L3MBTL3: variants seen among roughly 807,000 people sequenced by gnomAD.
L3MBTL3 encodes the protein L3MBTL histone methyl-lysine binding protein 3.
A neutral mutation model predicts 102.3 loss-of-function variants in L3MBTL3; 27 were observed. The observed-to-expected ratio is 0.26, with a 90% confidence interval of 0.19 to 0.36. The LOEUF is 0.36. L3MBTL3 is among the 10% of genes least tolerant of loss of function. The pLI is 1.00. For missense variants in L3MBTL3, 798 were observed against 955.3 expected, an observed-to-expected ratio of 0.84 and a Z score of 2.17; for synonymous variants, 340 against 320.9, an observed-to-expected ratio of 1.06 and a Z score of -0.64.
intron 19 of L3MBTL3, among the ~76,000 whole-genome samples, chr6:130,116,949 TTTTA>T (rs1290346911): frequency 3.4e-5 from 5 of 145,964 alleles, no homozygotes; most frequent in African/African-American, 1.3e-4. Context: ...TCCTCTTATT[TTTTA>T]TTTATTTATT....
chr6:130,097,046 G>C (rs1440292787), intron 18 of L3MBTL3, among the ~76,000 whole-genome samples: 1 of 152,184 alleles, frequency 6.6e-6, no homozygotes, highest in Non-Finnish European at 1.5e-5. Flanking sequence ...GGAGGTCCCA[G>C]TTTCTGCCCA....
At chr6:130,100,646 C>CA (rs68109213) in intron 18 of L3MBTL3, among the ~76,000 whole-genome samples, 9,595 of 126,176 alleles carry the variant, frequency 0.076, 424 homozygotes, top group Non-Finnish European at 0.11. Context: ...AATCTATTTT[C>CA]AAAAAAAAAA....
At chr6:130,134,032 A>T in intron 22 of L3MBTL3, 127 bp downstream of exon 22, 4 of 702,660 alleles carry the variant, frequency 5.7e-6, no homozygotes, top group South Asian at 3.2e-5. Flanking sequence ...TGACAAATTG[A>T]TGTATACTAA....
At chr6:130,032,342 T>C (rs1488932007) in intron 2 of L3MBTL3, among the ~76,000 whole-genome samples, 1 of 152,168 alleles carries the variant, frequency 6.6e-6, no homozygotes, top group Non-Finnish European at 1.5e-5. Context: ...CCAGCTGCTC[T>C]AGAGGCTGAG....
intron 2 of L3MBTL3, among the ~76,000 whole-genome samples, chr6:130,025,480 A>G (rs1411401648): frequency 6.6e-6 from 1 of 152,160 alleles, no homozygotes; most frequent in Admixed American, 6.5e-5. Context: ...GGTATCCTTG[A>G]TATATAACTA....
intron 13 of L3MBTL3, among the ~76,000 whole-genome samples, chr6:130,078,273 T>C (rs561996522): frequency 5.9e-5 from 9 of 152,312 alleles, no homozygotes; most frequent in East Asian, 1.9e-4. Context: ...TTTAATGATA[T>C]TATGTTTGCA....
chr6:130,131,580 A>G (rs1787045605), intron 20 of L3MBTL3, among the ~76,000 whole-genome samples: 1 of 152,202 alleles, frequency 6.6e-6, no homozygotes, highest in African/African-American at 2.4e-5. Context: ...CGCGCAAGAA[A>G]GAATTTGGGG....
intron 18 of L3MBTL3, among the ~76,000 whole-genome samples, chr6:130,101,702 T>C (rs1454393297): frequency 6.6e-6 from 1 of 152,168 alleles, no homozygotes; most frequent in African/African-American, 2.4e-5. Flanking sequence ...GGGAGTGTGT[T>C]GCTTGTACCC....
At chr6:130,061,575 AT>A (rs1781904858) in intron 10 of L3MBTL3, among the ~76,000 whole-genome samples, 1 of 152,160 alleles carries the variant, frequency 6.6e-6, no homozygotes, top group South Asian at 2.1e-4. Context: ...ATTTGTGTAG[AT>A]TTTATTTACA....
rs1374240892 is a variant in L3MBTL3 at position 130,060,027 on chromosome 6, G to T, written c.760-9G>T. ...AAGGGACTAAAACTGCTCTCATTTT[G>T]CATTTTAGCATCAATCCTTTCCATA... On this transcript the variant is annotated splice_polypyrimidine_tract_variant and intron_variant, in intron 9 of 22. Transcript: ENST00000361794. 8 of 1,554,282 alleles carry T rather than the reference G, an allele frequency of 5.1e-6. No homozygotes were observed. The highest frequency in any genetic ancestry group is 2.2e-5 in the South Asian group (2 of 89,570).
chr6:130,102,237 G>A (rs879827302), intron 18 of L3MBTL3, among the ~76,000 whole-genome samples: 1 of 152,044 alleles, frequency 6.6e-6, no homozygotes, highest in Non-Finnish European at 1.5e-5. Context: ...AGGATACTGT[G>A]ACTCTCTTCT....
At chr6:130,043,269 A>G (rs891449535) in intron 3 of L3MBTL3, among the ~76,000 whole-genome samples, 1 of 152,204 alleles carries the variant, frequency 6.6e-6, no homozygotes, top group Non-Finnish European at 1.5e-5. Flanking sequence ...CCTCTCTTAA[A>G]TTAATTATAC....
chr6:130,071,220 A>C, intron 13 of L3MBTL3, 93 bp downstream of exon 13: 1 of 1,151,884 alleles, frequency 8.7e-7, no homozygotes. Flanking sequence ...TATAACAAAA[A>C]AAAGCAGTGT....
chr6:130,092,390 C>T lies in L3MBTL3; in HGVS notation c.1519-355C>T, dbSNP rs576375162. Among the ~76,000 whole-genome samples the T allele has an allele frequency of 4.0e-5, 6 of 148,936 alleles. No homozygotes were observed. In the East Asian group the frequency reaches 1.3e-3, roughly 31 times the overall value. ...CTCCCTCCCTTCCCTGAATTTTTAA[C>T]TCCTTCTGCATATTTATTGGGTGCT... On this transcript the variant is annotated intron_variant, in intron 16 of 22. Coordinates refer to ENST00000361794, the MANE Select transcript of L3MBTL3 (RefSeq NM_032438.4).
Position 130,139,735 on chromosome 6 carries a change from T to C in L3MBTL3, c.2325T>C (p.Asn775=), listed in dbSNP as rs1301922958. 3 of 1,613,258 alleles carry C rather than the reference T, an allele frequency of 1.9e-6. No homozygotes were observed. Among genetic ancestry groups the C allele is most frequent in the Admixed American group, 3.3e-5 (2 of 60,006 alleles). ...TGATGTTCAAAGCTGCAGAGAAGAA[T>C]TCTCACAATGAACTTTGAAGATGGT... ...SILMFKAAEK[N]SHNEL is the part of the protein sequence containing the mutation. The change falls in exon 23 of 23, where the codon AAT becomes AAC. Residue 775 remains asparagine (N), a synonymous_variant. Coordinates refer to ENST00000361794, the MANE Select transcript of L3MBTL3 (RefSeq NM_032438.4).
chr6:130,111,068 CAA>C (rs965807317), intron 19 of L3MBTL3, among the ~76,000 whole-genome samples: 4 of 151,992 alleles, frequency 2.6e-5, no homozygotes, highest in South Asian at 2.1e-4. Flanking sequence ...CTTTGCCACA[CAA>C]GAGACAATTT....
chr6:130,048,618 A>G (rs552980177), intron 3 of L3MBTL3, among the ~76,000 whole-genome samples: 1 of 152,338 alleles, frequency 6.6e-6, no homozygotes, highest in South Asian at 2.1e-4. Flanking sequence ...CTAGTAGACT[A>G]CTTGTTCAGG....
At position 130,064,808 on chromosome 6, in the gene L3MBTL3, G is replaced by A. The variant is rs990259530; in HGVS notation, c.865-1545G>A. Among the ~76,000 whole-genome samples the A allele has an allele frequency of 9.9e-5, 15 of 152,180 alleles. No individual in the cohort carries two copies. In the East Asian group the frequency reaches 1.2e-3, roughly 12 times the overall value. On this transcript the variant is annotated intron_variant, in intron 10 of 22. Coordinates refer to ENST00000361794, the MANE Select transcript of L3MBTL3 (RefSeq NM_032438.4). ...ATTGTTTCTCAAAGCATAGCTTTCC[G>A]GTGAGCCTGAGATAGAGACTATGGG...
At position 130,049,746 on chromosome 6, in the gene L3MBTL3, A is replaced by G. The variant is rs755188379; in HGVS notation, c.215-10A>G. On this transcript the variant is annotated splice_polypyrimidine_tract_variant and intron_variant, in intron 4 of 22. Coordinates refer to ENST00000361794, the MANE Select transcript of L3MBTL3 (RefSeq NM_032438.4). ...CTATATGCTGATGACTCCTAAATCT[A>G]CATCTCCAGCCCCGACCTCTCCCCC... is the stretch of plus-strand genomic sequence containing the variant. 3 of 1,613,916 alleles carry G rather than the reference A, an allele frequency of 1.9e-6. No individual in the cohort carries two copies. Among genetic ancestry groups the G allele is most frequent in the South Asian group, 2.2e-5 (2 of 91,068 alleles).
Sources: allele counts gnomAD v4.1 joint callset (sites outside exome capture counted in the v4.1 genomes callset), GRCh38; gene constraint gnomAD v4.1.1; transcripts MANE v1.5; gene names NCBI Gene and HGNC (gene_info 2026-07-23, HGNC 2026-07-21).